Variants in SPTB observed in about 807,000 individuals in gnomAD.
SPTB encodes spectrin beta chain, erythrocytic.
SPTB carries 45 observed loss-of-function variants against 256.2 expected under a neutral mutation model. The ratio of observed to expected loss-of-function variants is 0.18; its 90% confidence interval spans 0.14 to 0.23. The LOEUF (loss-of-function observed/expected upper bound fraction) is 0.23, where lower values mean the gene tolerates loss of function less well. Ranked by LOEUF, SPTB falls within the 10% of genes least tolerant of loss-of-function variation. SPTB has a pLI of 1.00. For synonymous variants in SPTB, 1,231 were observed against 1,243.1 expected (o/e 0.99, Z 0.21); for missense variants, 2,715 against 3,040.4 (o/e 0.89, Z 2.52).
chr14:64,864,941 T>C (rs1012413489), intron 1 of SPTB, among the ~76,000 whole-genome samples: 1 of 152,146 alleles, frequency 6.6e-6, no homozygotes, highest in East Asian at 1.9e-4. Flanking sequence ...TGCCAATAAC[T>C]CCCCTCTGGA....
chr14:64,859,944 TAA>T, intron 1 of SPTB, among the ~76,000 whole-genome samples: 1 of 152,236 alleles, frequency 6.6e-6, no homozygotes, highest in Middle Eastern at 3.4e-3. Context: ...AGACTGTGAA[TAA>T]AAAGTTAAAT....
Position 64,824,223 on chromosome 14 carries a change from A to G in SPTB, c.-51-1078T>C, listed in dbSNP as rs1268536744. 6.6e-6 allele frequency among the ~76,000 whole-genome samples: 1 copy of G among 152,106 alleles called. No homozygotes were observed. The highest frequency in any genetic ancestry group is 2.4e-5 in the African/African-American group (1 of 41,416). On this transcript the variant is annotated intron_variant, in intron 1 of 35. Coordinates refer to ENST00000644917, the MANE Select transcript of SPTB (RefSeq NM_001355436.2). This position sits in a 1 kb window ranked among gnomAD's most constrained non-coding sequence, Gnocchi z 5.7. ...GCGGGGACTGGTATCAGGGAGGGGA[A>G]GTTGAAGCTTATTCCTAAAGGAAGC... is the stretch of plus-strand genomic sequence containing the variant.
In SPTB at chr14:64,800,030, C is replaced by T. The variant is rs538762570; in HGVS notation, c.877-96G>A. The T allele has an allele frequency of 1.2e-5, 17 of 1,443,296 alleles. No individual in the cohort carries two copies. In the African/African-American group the frequency reaches 1.9e-4, roughly 17 times the overall value. The allele number at this position is 1,443,296 out of a possible 1,614,324, so 89.4% of individuals were successfully genotyped here. A position where few individuals can be genotyped will look rare whatever the true frequency, so the allele number is the denominator to read the frequency against. On this transcript the variant is annotated intron_variant, in intron 8 of 35. Coordinates refer to ENST00000644917, the MANE Select transcript of SPTB (RefSeq NM_001355436.2). ...ACAATCAAGGTGCCACGAAATGGGGCTCCCACCTCCTAAGCCCTGGAGTGC... is the reference window on the plus strand; with the variant it reads ...ACAATCAAGGTGCCACGAAATGGGGTTCCCACCTCCTAAGCCCTGGAGTGC...
At chr14:64,871,156 T>C (rs1882508378) in intron 1 of SPTB, among the ~76,000 whole-genome samples, 1 of 152,220 alleles carries the variant, frequency 6.6e-6, no homozygotes, top group Non-Finnish European at 1.5e-5. Flanking sequence ...TATGTTCAAA[T>C]AGGGTGCATG....
At position 64,827,562 on chromosome 14, in the gene SPTB, T is replaced by C. The variant is rs534255962; in HGVS notation, c.-51-4417A>G. Among the ~76,000 whole-genome samples the C allele has an allele frequency of 1.3e-5, 2 of 152,322 alleles. No individual in the cohort carries two copies. The highest frequency in any genetic ancestry group is 4.8e-5 in the African/African-American group (2 of 41,572). On this transcript the variant is annotated intron_variant, in intron 1 of 35. Coordinates refer to ENST00000644917, the MANE Select transcript of SPTB (RefSeq NM_001355436.2). The surrounding 1 kb of genome is among the most constrained non-coding windows in gnomAD (Gnocchi z 4.6). ...CCTGAAGTTTCTCTGGTAATTTTTC[T>C]GTCAATCCATCACCAAAAAAGGAAC...
intron 1 of SPTB, among the ~76,000 whole-genome samples, chr14:64,865,840 C>A (rs533089667): frequency 2.6e-5 from 4 of 152,222 alleles, no homozygotes; most frequent in South Asian, 2.1e-4. Flanking sequence ...CTTCACTCCC[C>A]GTACCTGCAA....
At chr14:64,768,228 T>C (rs1594754448) in intron 29 of SPTB, 3 of 350,784 alleles carry the variant, frequency 8.6e-6, no homozygotes, top group South Asian at 2.5e-5. Flanking sequence ...TCGTTGTAGA[T>C]AGGATCTCCC....
rs369088793 is a variant in SPTB at position 64,815,804 on chromosome 14, G to A, written c.148+7143C>T. Among the ~76,000 whole-genome samples, 26 of 152,320 alleles carry A rather than the reference G, an allele frequency of 1.7e-4. 2 individuals carry two copies. The South Asian group carries it at 3.7e-3, about 22-fold the overall frequency. On this transcript the variant is annotated intron_variant, in intron 2 of 35. Coordinates refer to ENST00000644917, the MANE Select transcript of SPTB (RefSeq NM_001355436.2). ...CAACACCACTCCATAGGTGGCTTCT[G>A]CTCAAACTGTCAGAGCTAGAAGGGC...
intron 2 of SPTB, among the ~76,000 whole-genome samples, chr14:64,821,251 A>C (rs1390105148): frequency 1.3e-5 from 2 of 152,160 alleles, no homozygotes; most frequent in African/African-American, 4.8e-5. Context: ...TTGTGAACAT[A>C]GTTCATTTTT....
At chr14:64,787,275 TG>T in intron 15 of SPTB, 115 bp from the exon 16 acceptor site, 1 of 1,389,052 alleles carries the variant, frequency 7.2e-7, no homozygotes, top group South Asian at 1.3e-5. Context: ...CCACAGACTT[TG>T]TATGATAAAA....
Position 64,778,618 on chromosome 14 carries a change from G to A in SPTB, c.4563+539C>T, listed in dbSNP as rs17102096. Among the ~76,000 whole-genome samples, 4,010 of 152,238 alleles carry A rather than the reference G, an allele frequency of 0.026. 189 individuals are homozygous for A. Among genetic ancestry groups the A allele is most frequent in the African/African-American group, 0.091 (3,781 of 41,512 alleles). On this transcript the variant is annotated intron_variant, in intron 22 of 35. Transcript: ENST00000644917. This position sits in a 1 kb window ranked among gnomAD's most constrained non-coding sequence, Gnocchi z 5.2. ...GGCTAAGCGAGTGCCAAAAAGCAGA[G>A]GGATGTTTGCTCCAAGGGCTCAGAG...
At position 64,767,329 on chromosome 14, in the gene SPTB, A is replaced by C; in HGVS notation, c.6243T>G (p.Ile2081Met). The change falls in exon 31 of 36, where the codon ATT becomes ATG. Residue 2081 changes from isoleucine (I) to methionine (M), a missense_variant. This residue lies in a region of SPTB where 2,239 missense variants were observed against 2,384.4 expected (regional missense o/e 0.94). Coordinates refer to ENST00000644917, the MANE Select transcript of SPTB (RefSeq NM_001355436.2). ...CAGTCTCCTCTGCGGGTCTCTCTGC[A>C]ATCTGGCGTTCTTTCAGCTCAAGCT... ...PTTLELKERQ[I>M]AERPAEETGP... The C allele has an allele frequency of 6.2e-7, 1 of 1,614,082 alleles. No individual in the cohort carries two copies. Among genetic ancestry groups the C allele is most frequent in the Non-Finnish European group, 8.5e-7 (1 of 1,180,018 alleles).
chr14:64,874,273 T>C (rs903414567), intron 1 of SPTB, among the ~76,000 whole-genome samples: 1 of 152,202 alleles, frequency 6.6e-6, no homozygotes, highest in African/African-American at 2.4e-5. Context: ...GTCTTCTCAT[T>C]CCCCAACCTG....
At chr14:64,774,008 C>G (rs1203110361) in intron 24 of SPTB, among the ~76,000 whole-genome samples, 1 of 152,234 alleles carries the variant, frequency 6.6e-6, no homozygotes, top group South Asian at 2.1e-4. Flanking sequence ...TCCACCTGCA[C>G]TCCTACATCA....
intron 15 of SPTB, among the ~76,000 whole-genome samples, chr14:64,789,833 C>A (rs756416459): frequency 6.6e-6 from 1 of 152,032 alleles, no homozygotes; most frequent in Non-Finnish European, 1.5e-5. Context: ...GGAAAGCAAG[C>A]GACTTGGACT....
intron 1 of SPTB, among the ~76,000 whole-genome samples, chr14:64,864,375 G>T (rs1216415176): frequency 6.6e-6 from 1 of 152,158 alleles, no homozygotes; most frequent in Non-Finnish European, 1.5e-5. Context: ...CTTGAGCCCA[G>T]GAGTTCAGGG....
intron 9 of SPTB, among the ~76,000 whole-genome samples, chr14:64,798,583 C>G (rs1425873289): frequency 1.3e-5 from 2 of 152,226 alleles, no homozygotes; most frequent in African/African-American, 2.4e-5. Context: ...CACCCTGAGC[C>G]CAGCCTAATG....
Position 64,769,219 on chromosome 14 carries a change from C to G in SPTB, c.5938-101G>C, listed in dbSNP as rs540590485. ...GCAAAGAATGCCAGGTTTGGTCCTA[C>G]AGCCCTGGCTTCAAGTCTTGGCCCA... On this transcript the variant is annotated intron_variant, in intron 28 of 35. Coordinates refer to ENST00000644917, the MANE Select transcript of SPTB (RefSeq NM_001355436.2). The G allele has an allele frequency of 2.7e-3, 3,148 of 1,181,358 alleles. 6 individuals carry two copies. The highest frequency in any genetic ancestry group is 3.6e-3 in the Non-Finnish European group (2,875 of 798,972). The allele number at this position is 1,181,358 out of a possible 1,614,324, so 73.2% of individuals were successfully genotyped here.
intron 1 of SPTB, among the ~76,000 whole-genome samples, chr14:64,835,008 T>A (rs1594827569): frequency 6.6e-6 from 1 of 152,296 alleles, no homozygotes; most frequent in South Asian, 2.1e-4. Flanking sequence ...TGGGTGCCAA[T>A]TTATTTATTC....
Sources: allele counts gnomAD v4.1 joint callset (sites outside exome capture counted in the v4.1 genomes callset), GRCh38; gene constraint gnomAD v4.1.1; regional missense constraint gnomAD v4.1.1; non-coding constraint Gnocchi (gnomAD v3.1); transcripts MANE v1.5; gene names NCBI Gene and HGNC (gene_info 2026-07-23, HGNC 2026-07-21).